Variants in FAAH2 observed in about 807,000 individuals in gnomAD.
FAAH2 encodes the protein fatty acid amide hydrolase 2, also known as fatty-acid amide hydrolase 2.
In FAAH2, 60 loss-of-function variants were observed where a neutral mutation model predicts 36.9. The observed-to-expected ratio is 1.63, with a 90% CI of 1.32 to 2.02. The LOEUF (loss-of-function observed/expected upper bound fraction) is 2.02. Ranked by LOEUF, FAAH2 falls within the 30% of genes most tolerant of loss-of-function variation. The probability of loss-of-function intolerance (pLI) is 0.00; values close to 1 mark genes in which losing one functional copy is unlikely to be tolerated. For missense variants in FAAH2, 689 were observed against 397.5 expected, an observed-to-expected ratio of 1.73 and a Z score of -6.23; for synonymous variants, 214 against 143.8, an observed-to-expected ratio of 1.49 and a Z score of -3.49.
At chrX:57,444,301 A>G (rs2056626383) in intron 8 of FAAH2, among the ~76,000 whole-genome samples, 1 of 112,050 alleles carries the variant, frequency 8.9e-6, no homozygotes, top group South Asian at 3.7e-4. Context: ...GTCAAGCCTC[A>G]GCAATGGCGG....
At chrX:57,275,821 A>G in the FAAH2 span, among the ~76,000 whole-genome samples, 2 of 112,162 alleles carry the variant, frequency 1.8e-5, no homozygotes, top group Non-Finnish European at 3.8e-5. Flanking sequence ...CAAAAGAGAC[A>G]AAGAAGGCCA....
At chrX:57,149,376 C>T in the FAAH2 span, among the ~76,000 whole-genome samples, 1 of 111,680 alleles carries the variant, frequency 9.0e-6, no homozygotes, top group Non-Finnish European at 1.9e-5. Context: ...GGCTGTGAAT[C>T]CATCTGGTCC....
At chrX:57,419,063 C>T (rs1416531989) in intron 7 of FAAH2, among the ~76,000 whole-genome samples, 6 of 106,791 alleles carry the variant, frequency 5.6e-5, no homozygotes, top group Non-Finnish European at 1.2e-4. Flanking sequence ...TTTTTTATGG[C>T]TGCATAGTAT....
chrX:57,449,666 C>G (rs2056748204), intron 10 of FAAH2, among the ~76,000 whole-genome samples: 3 of 110,682 alleles, frequency 2.7e-5, no homozygotes, highest in African/African-American at 6.6e-5. Context: ...TTCCTTCCTT[C>G]CTTGCTTCCT....
At chrX:57,213,592 C>T in the FAAH2 span, among the ~76,000 whole-genome samples, 6 of 111,565 alleles carry the variant, frequency 5.4e-5, no homozygotes, top group South Asian at 3.7e-4. Flanking sequence ...AATCAAAAGA[C>T]GCTTCAGGAG....
the FAAH2 span, among the ~76,000 whole-genome samples, chrX:57,192,470 G>T: frequency 9.0e-6 from 1 of 111,573 alleles, no homozygotes; most frequent in Admixed American, 9.5e-5. Context: ...GCTCTAGATA[G>T]GATTTCTAGT....
the FAAH2 span, among the ~76,000 whole-genome samples, chrX:57,241,453 A>T: frequency 4.8e-4 from 54 of 112,336 alleles, no homozygotes; most frequent in South Asian, 7.3e-3. Context: ...ACAAGAAAAA[A>T]AAACAGACCT....
At chrX:57,137,198 G>A in the FAAH2 span, 1 of 758,519 alleles carries the variant, frequency 1.3e-6, no homozygotes, top group Non-Finnish European at 1.6e-6. Context: ...CCCACTAATG[G>A]CCTTGCCCTG....
chrX:57,452,897 G>C (rs2056809847), intron 10 of FAAH2, among the ~76,000 whole-genome samples: 1 of 111,968 alleles, frequency 8.9e-6, no homozygotes, highest in African/African-American at 3.2e-5. Context: ...TTTCCCCTCC[G>C]CTTCTCAGAT....
intron 3 of FAAH2, among the ~76,000 whole-genome samples, chrX:57,319,253 A>C (rs1244937040): frequency 8.9e-6 from 1 of 111,789 alleles, no homozygotes; most frequent in Non-Finnish European, 1.9e-5. Context: ...AGATGACATG[A>C]TTGTATGCTT....
the FAAH2 span, among the ~76,000 whole-genome samples, chrX:57,261,356 C>G: frequency 9.1e-6 from 1 of 109,438 alleles, no homozygotes; most frequent in Non-Finnish European, 1.9e-5. Flanking sequence ...AGTTTGAGAA[C>G]AGCCTGGCCA....
chrX:57,401,067 C>T (rs1350020961), intron 7 of FAAH2, among the ~76,000 whole-genome samples: 1 of 111,573 alleles, frequency 9.0e-6, no homozygotes, highest in African/African-American at 3.3e-5. Flanking sequence ...AGCCTGCAGT[C>T]AGCCGAGATC....
chrX:57,250,116 A>G, the FAAH2 span, among the ~76,000 whole-genome samples: 1 of 112,109 alleles, frequency 8.9e-6, no homozygotes, highest in Non-Finnish European at 1.9e-5. Flanking sequence ...ATATCCTTGC[A>G]AAAGTGATTG....
chrX:57,172,335 G>A, the FAAH2 span, among the ~76,000 whole-genome samples: 7 of 111,287 alleles, frequency 6.3e-5, no homozygotes, highest in Non-Finnish European at 7.5e-5. Context: ...GGTGTGAGAC[G>A]TGGGGAGTGG....
the FAAH2 span, among the ~76,000 whole-genome samples, chrX:57,185,484 G>GTC: frequency 2.8e-3 from 255 of 92,401 alleles, no homozygotes; most frequent in African/African-American, 0.012. Context: ...GTCTCTCTCT[G>GTC]TCTCTGTGTG....
intron 8 of FAAH2, among the ~76,000 whole-genome samples, chrX:57,437,565 T>C (rs1346732671): frequency 1.8e-5 from 2 of 108,861 alleles, no homozygotes; most frequent in African/African-American, 6.6e-5. Context: ...TAAAAACAAG[T>C]AGCATTTTTT....
intron 3 of FAAH2, 109 bp from the exon 4 acceptor site, chrX:57,331,489 G>T (rs1471903134): frequency 1.9e-5 from 11 of 590,392 alleles, no homozygotes; most frequent in South Asian, 3.1e-5. Context: ...CCAACCCTTT[G>T]TGGGAGATGT....
the FAAH2 span, among the ~76,000 whole-genome samples, chrX:57,159,170 G>T: frequency 1.8e-5 from 2 of 111,600 alleles, no homozygotes; most frequent in South Asian, 7.5e-4. Flanking sequence ...CATTATTTCT[G>T]AGGGCTCTGT....
At chrX:57,391,527 A>G (rs776952221) in intron 7 of FAAH2, among the ~76,000 whole-genome samples, 6 of 110,772 alleles carry the variant, frequency 5.4e-5, no homozygotes, top group Admixed American at 9.6e-5. Context: ...TATTCTGAAT[A>G]TGGCTAGCCA....
Sources: gnomAD v4.1 joint callset for allele counts (sites outside exome capture counted in the v4.1 genomes callset) on GRCh38, gnomAD v4.1.1 for gene constraint, MANE v1.5 for transcripts, NCBI Gene and HGNC (gene_info 2026-07-23, HGNC 2026-07-21) for gene names.